The following PCDHA4 variants were observed in gnomAD, a reference collection of about 807,000 sequenced individuals.
PCDHA4 encodes protocadherin alpha-4.
A neutral mutation model predicts 61.4 loss-of-function variants in PCDHA4; 49 were observed. The observed-to-expected ratio is 0.80, with a 90% CI of 0.63 to 1.01. PCDHA4 has a LOEUF of 1.01. PCDHA4 is among the 50% of genes least tolerant of loss of function. The pLI, the probability that PCDHA4 is intolerant of heterozygous loss-of-function variation, is 0.00. For missense variants in PCDHA4, 1,254 were observed against 1,235.8 expected, an observed-to-expected ratio of 1.01 and a Z score of -0.22; for synonymous variants, 590 against 550.3, an observed-to-expected ratio of 1.07 and a Z score of -1.01.
At chr5:140,887,256 C>T (rs1554182988) in intron 1 of PCDHA4, among the ~76,000 whole-genome samples, 1 of 152,002 alleles carries the variant, frequency 6.6e-6, no homozygotes, top group African/African-American at 2.4e-5. Context: ...GCCACCACGC[C>T]CTGCTAATTT....
At chr5:140,966,737 G>A (rs1466161811) in intron 1 of PCDHA4, 4 of 1,420,882 alleles carry the variant, frequency 2.8e-6, no homozygotes, top group Non-Finnish European at 3.7e-6. Flanking sequence ...CTCCGGCCCT[G>A]CCCGGCTGCC....
intron 1 of PCDHA4, among the ~76,000 whole-genome samples, chr5:140,961,132 T>G (rs1186627628): frequency 6.6e-6 from 1 of 152,238 alleles, no homozygotes; most frequent in Admixed American, 6.5e-5. Context: ...GTCTTGGCAC[T>G]TAAGAGTTGG....
intron 1 of PCDHA4, chr5:140,834,401 A>T (rs2150216637): frequency 1.9e-6 from 3 of 1,606,010 alleles, no homozygotes; most frequent in South Asian, 1.1e-5. Context: ...GCCCGAATGG[A>T]TACGACCCAG....
intron 1 of PCDHA4, among the ~76,000 whole-genome samples, chr5:140,964,144 C>A (rs970079716): frequency 6.6e-6 from 1 of 152,138 alleles, no homozygotes; most frequent in African/African-American, 2.4e-5. Context: ...TTGGCAGGAG[C>A]CTCAGTATAA....
chr5:141,008,654 C>T (rs1554261865), intron 3 of PCDHA4, among the ~76,000 whole-genome samples: 1 of 152,124 alleles, frequency 6.6e-6, no homozygotes, highest in Non-Finnish European at 1.5e-5. Context: ...TTCTGGAGTC[C>T]CACAATACTT....
At chr5:140,870,015 T>C (rs367677663) in intron 1 of PCDHA4, 5 of 1,613,476 alleles carry the variant, frequency 3.1e-6, no homozygotes, top group Admixed American at 1.7e-5. Context: ...TGAGGGTCAA[T>C]GGAACTTTAG....
intron 1 of PCDHA4, chr5:140,969,181 T>C (rs1554231546): frequency 1.2e-6 from 2 of 1,613,978 alleles, no homozygotes; most frequent in Non-Finnish European, 8.5e-7. Flanking sequence ...GGAGTGACAC[T>C]TTCATGTTTT....
At chr5:140,836,535 T>C (rs2150263194) in intron 1 of PCDHA4, 26 of 1,613,710 alleles carry the variant, frequency 1.6e-5, no homozygotes, top group Non-Finnish European at 2.0e-5. Context: ...CCTGCTGCTG[T>C]ACACGGCGTT....
intron 1 of PCDHA4, chr5:140,851,438 T>A (rs2042059755): frequency 1.1e-6 from 1 of 928,024 alleles, no homozygotes; most frequent in African/African-American, 1.8e-5. Flanking sequence ...AGAAAACAGT[T>A]GCTCCACTTT....
intron 1 of PCDHA4, chr5:140,877,640 G>T: frequency 6.2e-7 from 1 of 1,613,622 alleles, no homozygotes. Flanking sequence ...GCGCTGCGTT[G>T]CTCAGCGCCG....
chr5:140,961,255 C>G (rs1446798989), intron 1 of PCDHA4, among the ~76,000 whole-genome samples: 1 of 152,164 alleles, frequency 6.6e-6, no homozygotes, highest in African/African-American at 2.4e-5. Context: ...TCCGAAGCTC[C>G]AGGAAGCTTC....
At chr5:140,841,678 G>A in intron 1 of PCDHA4, 3 of 1,613,980 alleles carry the variant, frequency 1.9e-6, no homozygotes, top group Non-Finnish European at 1.7e-6. Context: ...TTTTCCATGT[G>A]GACGTGGAGG....
In PCDHA4 at chr5:141,010,432, C is replaced by T; in HGVS notation, c.*495C>T. On this transcript the variant is annotated 3_prime_UTR_variant, in exon 4 of 4. Coordinates refer to ENST00000530339, the MANE Select transcript of PCDHA4 (RefSeq NM_018907.4). The stretch of plus-strand genomic sequence containing the variant: ...AATTGGTACAAGGAAGGCAAGAAAA[C>T]AAAGACAAATAAACAGCGGAAGTTA... 1 of 1,056,970 alleles carries T rather than the reference C, an allele frequency of 9.5e-7. No individual in the cohort carries two copies. The highest frequency in any genetic ancestry group is 1.3e-6 in the Non-Finnish European group (1 of 756,282). 65.5% of individuals were successfully genotyped at this position (1,056,970 alleles called of 1,614,324 possible).
chr5:140,858,772 A>G lies in PCDHA4; in HGVS notation c.2385+49200A>G. ...TTTCGTTACAAATATTTGTGAGATTAGTACTTCATGTTATTTCATTTCCAA... is the reference window on the plus strand; with the variant it reads ...TTTCGTTACAAATATTTGTGAGATTGGTACTTCATGTTATTTCATTTCCAA... On this transcript the variant is annotated intron_variant, in intron 1 of 3. Transcript: ENST00000530339. 1.4e-5 allele frequency: 6 copies of G among 437,250 alleles called. No homozygotes were observed. In the South Asian group the frequency reaches 1.5e-4, roughly 11 times the overall value. 27.1% of individuals were successfully genotyped at this position (437,250 alleles called of 1,614,324 possible).
At chr5:140,826,236 TTATA>T (rs1420933804) in intron 1 of PCDHA4, among the ~76,000 whole-genome samples, 3 of 152,218 alleles carry the variant, frequency 2.0e-5, no homozygotes, top group Non-Finnish European at 4.4e-5. Context: ...TATAAACTAT[TTATA>T]TATCTCTTTA....
At chr5:140,823,923 G>C in intron 1 of PCDHA4, 1 of 1,614,002 alleles carries the variant, frequency 6.2e-7, no homozygotes, top group Non-Finnish European at 8.5e-7. Context: ...CGCTGCTGCT[G>C]TACACCGCGC....
At chr5:140,981,077 G>C (rs1178580802) in intron 2 of PCDHA4, among the ~76,000 whole-genome samples, 1 of 152,168 alleles carries the variant, frequency 6.6e-6, no homozygotes, top group Non-Finnish European at 1.5e-5. Flanking sequence ...GGGAAGAATA[G>C]TAAAAGGTCA....
In PCDHA4 at chr5:140,900,436, G is replaced by C. The variant is rs553121120; in HGVS notation, c.2386-78513G>C. 8.5e-5 allele frequency among the ~76,000 whole-genome samples: 13 copies of C among 152,126 alleles called. No individual in the cohort carries two copies. The East Asian group carries it at 2.5e-3, about 30-fold the overall frequency. ...GGGATTATAGGCACGTGCCACCACG[G>C]CCGGCTAATTTTTTATTTTTAGTAG... On this transcript the variant is annotated intron_variant, in intron 1 of 3. Transcript: ENST00000530339.
At chr5:140,836,355 T>G (rs2150258561) in intron 1 of PCDHA4, 2 of 1,613,660 alleles carry the variant, frequency 1.2e-6, no homozygotes, top group Admixed American at 3.3e-5. Flanking sequence ...CGGGGAGCCC[T>G]CGCTGACAGC....
Sources: allele counts gnomAD v4.1 joint callset (sites outside exome capture counted in the v4.1 genomes callset), GRCh38; gene constraint gnomAD v4.1.1; transcripts MANE v1.5; gene names NCBI Gene and HGNC (gene_info 2026-07-23, HGNC 2026-07-21).